MED12L: variants seen among roughly 807,000 people sequenced by gnomAD.
The protein encoded by MED12L is mediator complex subunit 12L.
Under a neutral mutation model 281.3 loss-of-function variants are expected in MED12L, and 60 were observed. The observed-to-expected ratio is 0.21, with a 90% CI of 0.17 to 0.26. The LOEUF (loss-of-function observed/expected upper bound fraction) is 0.26. Among genes scored for constraint, MED12L ranks in the 10% least tolerant of loss-of-function variants. The pLI is 1.00. For synonymous variants in MED12L, 974 were observed against 987.2 expected, an observed-to-expected ratio of 0.99 and a Z score of 0.25; for missense variants, 2,146 against 2,680.9, an observed-to-expected ratio of 0.80 and a Z score of 4.41.
intron 16 of MED12L, among the ~76,000 whole-genome samples, chr3:151,263,897 G>A (rs1169198177): frequency 6.6e-6 from 1 of 152,196 alleles, no homozygotes; most frequent in Non-Finnish European, 1.5e-5. Flanking sequence ...TCAGTGCAGG[G>A]TAAAGTGTGG....
rs758372678 is a variant in MED12L, at chr3:151,365,839, T to G, written c.3186-11T>G. Reference sequence around the variant, plus strand: ...CAAGGTTACTTTCTGTGTCTTCTTTTTCTTTTCTAGGATTAACGACATAGC... The same window carrying G: ...CAAGGTTACTTTCTGTGTCTTCTTTGTCTTTTCTAGGATTAACGACATAGC... On this transcript the variant is annotated splice_polypyrimidine_tract_variant and intron_variant, in intron 22 of 44. Transcript: ENST00000687756. 11 of 1,601,686 alleles carry G rather than the reference T, an allele frequency of 6.9e-6. 1 individual carries two copies. The South Asian group carries it at 1.2e-4, about 18-fold the overall frequency.
intron 16 of MED12L, among the ~76,000 whole-genome samples, chr3:151,314,307 T>C (rs1264275045): frequency 6.6e-6 from 1 of 152,242 alleles, no homozygotes; most frequent in Non-Finnish European, 1.5e-5. Context: ...AATATTCTAT[T>C]CTGCCTGTGT....
In MED12L at chr3:151,327,832, A is replaced by G. The variant is rs1749827200; in HGVS notation, c.2251-22227A>G. On this transcript the variant is annotated intron_variant, in intron 16 of 44. Coordinates refer to ENST00000687756, the MANE Select transcript of MED12L (RefSeq NM_001393769.1). ...AATGGTTCATTCAGCTTATGAATAG[A>G]TCTATGTGGATTTAAATTTTATATA... 6.5e-5 allele frequency: 35 copies of G among 540,794 alleles called. 1 individual carries two copies. In the South Asian group the frequency reaches 1.1e-3, roughly 18 times the overall value. The allele number at this position is 540,794 out of a possible 1,614,324, so 33.5% of individuals were successfully genotyped here.
intron 16 of MED12L, chr3:151,278,293 C>G (rs752464569): frequency 7.2e-5 from 11 of 152,218 alleles, no homozygotes; most frequent in Non-Finnish European, 1.5e-4. Flanking sequence ...TTACCTGCGT[C>G]TAGGCCTTCA....
intron 16 of MED12L, among the ~76,000 whole-genome samples, chr3:151,271,096 T>C (rs920918327): frequency 2.6e-5 from 4 of 151,946 alleles, no homozygotes; most frequent in Non-Finnish European, 4.4e-5. Context: ...AAGCCATAGA[T>C]TGGGGAGTAA....
rs113013747 is a variant in MED12L, at chr3:151,432,593, A to G, written c.6491-159A>G. On this transcript the variant is annotated intron_variant, in intron 44 of 44. Transcript: ENST00000687756. ...GTCCCCTCTGCAGGGTGGTACTTGA[A>G]TCCCACCACAAGGGTTTTTCAGGGC... is the stretch of plus-strand genomic sequence containing the variant. The G allele has an allele frequency of 6.4e-3, 3,595 of 558,730 alleles. 20 individuals carry two copies. The highest frequency in any genetic ancestry group is 0.011 in the South Asian group (398 of 36,368). 34.6% of individuals were successfully genotyped at this position (558,730 alleles called of 1,614,324 possible).
Position 151,382,758 on chromosome 3 carries a change from TC to T in MED12L, c.4680+14del, listed in dbSNP as rs1382086370. On this transcript the variant is annotated intron_variant, in intron 33 of 44. Transcript: ENST00000687756. ...CCGCCTAAATTTGGTAAGTGACATT[TC>T]TAGTATTTTCCCTCCATTAAACATA... is the stretch of plus-strand genomic sequence containing the variant. The T allele has an allele frequency of 6.3e-7, 1 of 1,594,314 alleles. No individual in the cohort carries two copies. The highest frequency in any genetic ancestry group is 1.1e-5 in the South Asian group (1 of 88,762).
chr3:151,126,048 CTTT>C (rs34482366), intron 4 of MED12L, among the ~76,000 whole-genome samples: 7 of 130,750 alleles, frequency 5.4e-5, no homozygotes, highest in South Asian at 2.5e-4. Flanking sequence ...ACTGCATCCT[CTTT>C]TTTTTTTTTT....
chr3:151,185,569 A>G lies in MED12L; in HGVS notation c.1626+108A>G, dbSNP rs989906016. 8.3e-6 allele frequency: 10 copies of G among 1,206,542 alleles called. No individual in the cohort carries two copies. The African/African-American group carries it at 1.4e-4, about 17-fold the overall frequency. The allele number at this position is 1,206,542 out of a possible 1,614,324, so 74.7% of individuals were successfully genotyped here. On this transcript the variant is annotated intron_variant, in intron 12 of 44. Coordinates refer to ENST00000687756, the MANE Select transcript of MED12L (RefSeq NM_001393769.1). ...TTATGTTATTCTTTTGCTCTTGAGG[A>G]AAAAAGGGAGGATGTAAAAATTCAC...
At chr3:151,390,274 A>C in intron 38 of MED12L, 139 bp downstream of exon 38, 5 of 796,632 alleles carry the variant, frequency 6.3e-6, no homozygotes, top group Non-Finnish European at 9.9e-6. Context: ...TTCCCTTCAC[A>C]CAGAAATGTT....
intron 16 of MED12L, among the ~76,000 whole-genome samples, chr3:151,284,767 CCTGG>C (rs1268501349): frequency 1.3e-5 from 2 of 152,198 alleles, no homozygotes; most frequent in African/African-American, 4.8e-5. Context: ...CACCACCACA[CCTGG>C]CTAATTTTGT....
intron 43 of MED12L, among the ~76,000 whole-genome samples, chr3:151,416,805 T>C (rs531867254): frequency 6.6e-6 from 1 of 152,336 alleles, no homozygotes; most frequent in South Asian, 2.1e-4. Context: ...TGGGCGCACT[T>C]TCTAAAATAT....
At chr3:151,198,795 A>T (rs1343531345) in intron 16 of MED12L, 1 of 1,613,612 alleles carries the variant, frequency 6.2e-7, no homozygotes, top group African/African-American at 1.3e-5. Flanking sequence ...AGGCAATTGG[A>T]TATTAAAATG....
intron 2 of MED12L, among the ~76,000 whole-genome samples, chr3:151,089,234 A>G (rs1036368491): frequency 1.2e-4 from 19 of 152,192 alleles, no homozygotes; most frequent in African/African-American, 4.6e-4. Context: ...TTTTTAATCT[A>G]TTTGATATTA....
At position 151,305,634 on chromosome 3, in the gene MED12L, G is replaced by T. The variant is rs566608726; in HGVS notation, c.2251-44425G>T. ...ACTCACACTGTGAGTAATGGGTAGA[G>T]CTGGGATTCATATCAAATACAATAG... is the stretch of plus-strand genomic sequence containing the variant. On this transcript the variant is annotated intron_variant, in intron 16 of 44. Transcript: ENST00000687756. Among the ~76,000 whole-genome samples, 10 of 152,102 alleles carry T rather than the reference G, an allele frequency of 6.6e-5. No individual in the cohort carries two copies. In the South Asian group the frequency reaches 8.3e-4, roughly 13 times the overall value.
intron 31 of MED12L, among the ~76,000 whole-genome samples, chr3:151,379,139 G>T (rs1711753233): frequency 6.6e-6 from 1 of 152,182 alleles, no homozygotes; most frequent in African/African-American, 2.4e-5. Flanking sequence ...TTTACATCTG[G>T]TTGTTTTACC....
At chr3:151,219,977 A>T (rs932781806) in intron 16 of MED12L, among the ~76,000 whole-genome samples, 1 of 147,780 alleles carries the variant, frequency 6.8e-6, no homozygotes, top group Non-Finnish European at 1.5e-5. Context: ...TGAAATCATA[A>T]GTCTAATTGC....
intron 43 of MED12L, among the ~76,000 whole-genome samples, chr3:151,420,646 G>A (rs1438333424): frequency 1.3e-5 from 2 of 152,198 alleles, no homozygotes; most frequent in Non-Finnish European, 2.9e-5. Context: ...AATTGGCATT[G>A]TAATTGTAAC....
intron 4 of MED12L, among the ~76,000 whole-genome samples, chr3:151,125,449 A>C (rs1378515690): frequency 6.6e-6 from 1 of 152,216 alleles, no homozygotes; most frequent in African/African-American, 2.4e-5. Flanking sequence ...TCACAAATTC[A>C]GATGTTTTAT....
Sources: gnomAD v4.1 joint callset for allele counts (sites outside exome capture counted in the v4.1 genomes callset) on GRCh38, gnomAD v4.1.1 for gene constraint, MANE v1.5 for transcripts, NCBI Gene and HGNC (gene_info 2026-07-23, HGNC 2026-07-21) for gene names.